The following UGT1A6 variants were observed in gnomAD, a reference collection of about 807,000 sequenced individuals.
The protein encoded by UGT1A6 is UDP-glucuronosyltransferase 1A6.
UGT1A6 carries 32 observed loss-of-function variants against 44.4 expected under a neutral mutation model. The observed-to-expected ratio is 0.72, with a 90% CI of 0.54 to 0.97. UGT1A6 has a LOEUF of 0.97. Ranked by LOEUF, UGT1A6 falls within the 50% of genes least tolerant of loss-of-function variation. The probability of loss-of-function intolerance (pLI) is 0.00; values close to 1 mark genes in which losing one functional copy is unlikely to be tolerated. For synonymous variants in UGT1A6, 238 were observed against 248.5 expected (o/e 0.96, Z 0.40); for missense variants, 685 against 661.9 (o/e 1.03, Z -0.38).
At chr2:233,703,821 T>A (rs553950100) in intron 1 of UGT1A6, among the ~76,000 whole-genome samples, 1 of 152,292 alleles carries the variant, frequency 6.6e-6, no homozygotes, top group African/African-American at 2.4e-5. Context: ...GTCTTTTAAT[T>A]GAGTTGTTTA....
At chr2:233,695,569 C>T (rs7607180) in intron 1 of UGT1A6, among the ~76,000 whole-genome samples, 104 of 151,972 alleles carry the variant, frequency 6.8e-4, no homozygotes, top group African/African-American at 2.2e-3. Context: ...TTTTCACCCC[C>T]CCTTCCCTAC....
At chr2:233,692,791 C>A, upstream of UGT1A6, 1 of 1,367,752 alleles carries the variant, frequency 7.3e-7, no homozygotes, top group Non-Finnish European at 9.4e-7. Flanking sequence ...CAGGTGAAAG[C>A]TGACACGGCC....
rs190427553 is a variant in UGT1A6 at position 233,772,475 on chromosome 2, C to A, written c.1515C>A (p.Thr505=). 148 of 1,614,134 alleles carry A rather than the reference C, an allele frequency of 9.2e-5. No homozygotes were observed. Among genetic ancestry groups the A allele is most frequent in the Non-Finnish European group, 1.2e-4 (140 of 1,180,034 alleles). ...LAVVLTVAFI[T]FKCCAYGYRK... is the part of the protein sequence containing the mutation. ...TCGTGCTGACAGTGGCCTTCATCAC[C>A]TTTAAATGTTGTGCTTATGGCTACC... The change falls in exon 5 of 5, where the codon ACC becomes ACA. Residue 505 remains threonine, a synonymous_variant. Coordinates refer to ENST00000305139, the MANE Select transcript of UGT1A6 (RefSeq NM_001072.4).
intron 1 of UGT1A6, among the ~76,000 whole-genome samples, chr2:233,764,312 GA>G (rs1174079806): frequency 1.3e-5 from 2 of 152,150 alleles, no homozygotes; most frequent in East Asian, 3.8e-4. Flanking sequence ...AAGTTTAAGG[GA>G]AGCTTTGCCA....
intron 1 of UGT1A6, among the ~76,000 whole-genome samples, chr2:233,737,957 G>A (rs779523802): frequency 7.9e-5 from 12 of 151,950 alleles, no homozygotes; most frequent in Non-Finnish European, 1.6e-4. Context: ...CCCAACATGA[G>A]GTCACACTAG....
chr2:233,693,146 G>A lies in UGT1A6; in HGVS notation c.142G>A (p.Val48Ile), dbSNP rs2075134589. Residue 48 changes from valine (V) to isoleucine (I), a missense_variant, in exon 1 of 5, where the codon GTT becomes ATT. Physicochemically the swap from Val to Ile is conservative, Grantham distance 29 (BLOSUM62 3). Transcript: ENST00000305139. ...HWLSMKDIVE[V>I]LSDRGHEIVV... ...GCTTAGTATGAAGGATATAGTTGAG[G>A]TTCTCAGTGACCGGGGTCATGAGAT... is the stretch of plus-strand genomic sequence containing the variant. 5 of 1,614,204 alleles carry A rather than the reference G, an allele frequency of 3.1e-6. No homozygotes were observed. The highest frequency in any genetic ancestry group is 1.3e-5 in the African/African-American group (1 of 75,052).
In UGT1A6 at chr2:233,760,439, A is replaced by C. The variant is rs1697446829; in HGVS notation, c.862-6595A>C. ...ATGCTTGGGGCCATCCAGCAGCTGC[A>C]GCAGAGGGGACATGAAATAGTTGTC... On this transcript the variant is annotated intron_variant, in intron 1 of 4. Transcript: ENST00000305139. 6.2e-7 allele frequency: 1 copy of C among 1,614,254 alleles called. No individual in the cohort carries two copies. The highest frequency in any genetic ancestry group is 1.7e-5 in the Admixed American group (1 of 60,030).
intron 1 of UGT1A6, among the ~76,000 whole-genome samples, chr2:233,766,201 G>T (rs544565545): frequency 2.4e-4 from 37 of 152,254 alleles, no homozygotes; most frequent in Admixed American, 4.6e-4. Flanking sequence ...CTCAGCAGAT[G>T]GGGGAAGCCA....
rs540217987 is a variant in UGT1A6, at chr2:233,754,403, C to G, written c.862-12631C>G. On this transcript the variant is annotated intron_variant, in intron 1 of 4. Coordinates refer to ENST00000305139, the MANE Select transcript of UGT1A6 (RefSeq NM_001072.4). ...CAAACAGAGGTCCTATCCGTGCAGTCCCAACAATAAAGACAGGCATTGGCA... is the reference window on the plus strand; with the variant it reads ...CAAACAGAGGTCCTATCCGTGCAGTGCCAACAATAAAGACAGGCATTGGCA... 52 of 338,868 alleles carry G rather than the reference C, an allele frequency of 1.5e-4. 1 individual carries two copies. Among genetic ancestry groups the G allele is most frequent in the South Asian group, 1.1e-3 (47 of 41,482 alleles). 21.0% of individuals were successfully genotyped at this position (338,868 alleles called of 1,614,324 possible).
chr2:233,754,901 C>T (rs996500791), intron 1 of UGT1A6: 1 of 1,352,340 alleles, frequency 7.4e-7, no homozygotes, highest in Non-Finnish European at 9.9e-7. Flanking sequence ...TCTGACCCCC[C>T]AAAATATTCT....
At position 233,736,090 on chromosome 2, in the gene UGT1A6, T is replaced by C. The variant is rs1422886640; in HGVS notation, c.862-30944T>C. ...AGGTTTGGGAAGTTCTCCTGGATAA[T>C]ATCCTGAAGAGTGTTTTCCAACTTG... On this transcript the variant is annotated intron_variant, in intron 1 of 4. Coordinates refer to ENST00000305139, the MANE Select transcript of UGT1A6 (RefSeq NM_001072.4). Among the ~76,000 whole-genome samples, 4 of 152,378 alleles carry C rather than the reference T, an allele frequency of 2.6e-5. No homozygotes were observed. The East Asian group carries it at 7.7e-4, about 29-fold the overall frequency.
chr2:233,712,982 T>C, intron 1 of UGT1A6: 2 of 1,613,208 alleles, frequency 1.2e-6, no homozygotes, highest in Non-Finnish European at 1.7e-6. Context: ...TGTCGGTGGC[T>C]TCTGCTGAGA....
chr2:233,773,007 TA>T lies in UGT1A6; in HGVS notation c.*449del, dbSNP rs61757317. On this transcript the variant is annotated 3_prime_UTR_variant, in exon 5 of 5. Coordinates refer to ENST00000305139, the MANE Select transcript of UGT1A6 (RefSeq NM_001072.4). ...CAGTCCTCATCTCTGTCGTGCTTCA[TA>T]GGTGCCACCTTGTGTGTTTAAAGAA... is the stretch of plus-strand genomic sequence containing the variant. 26 of 218,224 alleles carry T rather than the reference TA, an allele frequency of 1.2e-4. No homozygotes were observed. Among genetic ancestry groups the T allele is most frequent in the Non-Finnish European group, 2.2e-4 (24 of 108,252 alleles). The allele number at this position is 218,224 out of a possible 1,614,324, so 13.5% of individuals were successfully genotyped here.
intron 1 of UGT1A6, among the ~76,000 whole-genome samples, chr2:233,735,786 T>C (rs1470873966): frequency 1.3e-5 from 2 of 152,218 alleles, no homozygotes; most frequent in Non-Finnish European, 2.9e-5. Context: ...TTTGGCTGCA[T>C]ATGAATTTCT....
At chr2:233,752,269 G>A (rs746568947) in intron 1 of UGT1A6, 1 of 152,190 alleles carries the variant, frequency 6.6e-6, no homozygotes, top group Non-Finnish European at 1.5e-5. Flanking sequence ...AGGACTCCAG[G>A]TCTCTTGGGG....
chr2:233,745,338 A>T lies in UGT1A6; in HGVS notation c.862-21696A>T, dbSNP rs565612187. Among the ~76,000 whole-genome samples, 7 of 151,968 alleles carry T rather than the reference A, an allele frequency of 4.6e-5. No individual in the cohort carries two copies. The East Asian group carries it at 1.2e-3, about 25-fold the overall frequency. ...CCACTAGAACTGCTATATCATGACC[A>T]TGAATTTTGGGGGAATTTTTTTGAG... On this transcript the variant is annotated intron_variant, in intron 1 of 4. Transcript: ENST00000305139.
At chr2:233,742,161 C>A (rs1479905655) in intron 1 of UGT1A6, among the ~76,000 whole-genome samples, 2 of 151,932 alleles carry the variant, frequency 1.3e-5, no homozygotes, top group African/African-American at 2.4e-5. Context: ...ATTAAAGACA[C>A]ACACACAGAA....
chr2:233,719,734 T>C lies in UGT1A6; in HGVS notation c.861+25869T>C, dbSNP rs370386346. 2.0e-5 allele frequency: 32 copies of C among 1,613,416 alleles called. 1 individual carries two copies. The East Asian group carries it at 2.7e-4, about 13-fold the overall frequency. On this transcript the variant is annotated intron_variant, in intron 1 of 4. Transcript: ENST00000305139. Reference sequence around the variant, plus strand: ...CAATCAATGTTCCAGGCAAAACACTTTTTAAAAAATGTATTTACTTACAAG... The same window carrying C: ...CAATCAATGTTCCAGGCAAAACACTCTTTAAAAAATGTATTTACTTACAAG...
In UGT1A6 at chr2:233,760,331, T is replaced by G. The variant is rs111033541; in HGVS notation, c.862-6703T>G. ...GGCGGACGCCCACTTGTCCTGGGCCTGCTGCTGTGTGTGCTGGGCCCAGTG... is the reference window on the plus strand; with the variant it reads ...GGCGGACGCCCACTTGTCCTGGGCCGGCTGCTGTGTGTGCTGGGCCCAGTG... On this transcript the variant is annotated intron_variant, in intron 1 of 4. Transcript: ENST00000305139. 1.9e-6 allele frequency: 3 copies of G among 1,614,080 alleles called. No individual in the cohort carries two copies. Among genetic ancestry groups the G allele is most frequent in the Non-Finnish European group, 2.5e-6 (3 of 1,179,954 alleles).
Sources: gnomAD v4.1 joint callset for allele counts (sites outside exome capture counted in the v4.1 genomes callset) on GRCh38, gnomAD v4.1.1 for gene constraint, MANE v1.5 for transcripts, NCBI Gene and HGNC (gene_info 2026-07-23, HGNC 2026-07-21) for gene names.